EXT1: variants seen among roughly 807,000 people sequenced by gnomAD.
The protein encoded by EXT1 is exostosin-1.
EXT1 carries 20 observed loss-of-function variants against 82.5 expected under a neutral mutation model. The ratio of observed to expected loss-of-function variants is 0.24; its 90% CI spans 0.17 to 0.35. EXT1 has a LOEUF of 0.35. Among genes scored for constraint, EXT1 ranks in the 10% least tolerant of loss-of-function variants. EXT1 has a pLI of 1.00. For missense variants in EXT1, 757 were observed against 936.5 expected (o/e 0.81, Z 2.50); for synonymous variants, 348 against 350.8 (o/e 0.99, Z 0.09).
intron 1 of EXT1, among the ~76,000 whole-genome samples, chr8:117,867,920 G>A (rs1727301524): frequency 6.6e-6 from 1 of 152,116 alleles, no homozygotes; most frequent in Non-Finnish European, 1.5e-5. Context: ...TTCTAATAGA[G>A]AAGCCCTGAG....
At chr8:117,941,783 A>G (rs1814277330) in intron 1 of EXT1, among the ~76,000 whole-genome samples, 2 of 152,246 alleles carry the variant, frequency 1.3e-5, no homozygotes, top group African/African-American at 2.4e-5. Context: ...TTTTATAATG[A>G]AAACATGAGG....
chr8:117,840,545 G>GAGGTGA (rs1488486482), intron 1 of EXT1, among the ~76,000 whole-genome samples: 1 of 151,784 alleles, frequency 6.6e-6, no homozygotes, highest in Non-Finnish European at 1.5e-5. Flanking sequence ...CTGGGAGGTG[G>GAGGTGA]AGGTTGCAGT....
chr8:117,970,596 T>C (rs1371388856), intron 1 of EXT1, among the ~76,000 whole-genome samples: 1 of 152,142 alleles, frequency 6.6e-6, no homozygotes, highest in Non-Finnish European at 1.5e-5. Flanking sequence ...TGAGCCACCA[T>C]GCCCGGCCAG....
intron 1 of EXT1, among the ~76,000 whole-genome samples, chr8:117,989,039 C>CACACAGCT (rs1313812779): frequency 1.4e-5 from 2 of 143,538 alleles, no homozygotes; most frequent in African/African-American, 5.3e-5. Flanking sequence ...CAGCCTGGGC[C>CACACAGCT]ACACAGCTAG....
intron 1 of EXT1, among the ~76,000 whole-genome samples, chr8:117,927,173 C>T (rs1813968236): frequency 6.6e-6 from 1 of 152,132 alleles, no homozygotes; most frequent in African/African-American, 2.4e-5. Context: ...TTTTTCTTGG[C>T]TCTCCCCAGC....
chr8:117,822,861 A>G (rs1481051944), intron 4 of EXT1, among the ~76,000 whole-genome samples: 2 of 152,216 alleles, frequency 1.3e-5, no homozygotes, highest in African/African-American at 2.4e-5. Context: ...TTGTCTTTGT[A>G]TAATAATGAG....
At chr8:117,902,027 T>TA (rs1813459989) in intron 1 of EXT1, among the ~76,000 whole-genome samples, 1 of 151,818 alleles carries the variant, frequency 6.6e-6, no homozygotes, top group African/African-American at 2.4e-5. Context: ...TTTTTTTTTT[T>TA]ACTTGTTCAA....
intron 1 of EXT1, among the ~76,000 whole-genome samples, chr8:118,055,532 C>T (rs1289720365): frequency 3.9e-5 from 6 of 152,130 alleles, no homozygotes; most frequent in South Asian, 2.1e-4. Flanking sequence ...AAATTTTGAA[C>T]GGTTTTTCCA....
At chr8:117,826,075 T>G (rs1206054749) in intron 4 of EXT1, among the ~76,000 whole-genome samples, 1 of 152,206 alleles carries the variant, frequency 6.6e-6, no homozygotes, top group Admixed American at 6.5e-5. Flanking sequence ...TTGTTAGTTC[T>G]CAATTTTCAC....
At chr8:117,945,362 T>TA (rs1586301436) in intron 1 of EXT1, among the ~76,000 whole-genome samples, 1 of 152,102 alleles carries the variant, frequency 6.6e-6, no homozygotes, top group Non-Finnish European at 1.5e-5. Flanking sequence ...TTTTAGCACT[T>TA]AGAGACCCTG....
intron 1 of EXT1, among the ~76,000 whole-genome samples, chr8:117,903,997 G>C (rs1813498655): frequency 6.6e-6 from 1 of 152,202 alleles, no homozygotes; most frequent in African/African-American, 2.4e-5. Context: ...GACAGTAACT[G>C]ACCTGAAGTT....
intron 1 of EXT1, among the ~76,000 whole-genome samples, chr8:117,941,399 G>T (rs10283365): frequency 0.066 from 9,966 of 152,134 alleles, 1,134 homozygotes; most frequent in African/African-American, 0.23. Context: ...ACATATGGAG[G>T]GGGGAATAGG....
At position 117,808,186 on chromosome 8, in the gene EXT1, T is replaced by C. The variant is rs577490062; in HGVS notation, c.1723-809A>G. On this transcript the variant is annotated intron_variant, in intron 8 of 10. Coordinates refer to ENST00000378204, the MANE Select transcript of EXT1 (RefSeq NM_000127.3). ...ACTCACTTCTGATTTCTATGATCAT[T>C]TGATGAATGGTAAATCAAAATAATA... is the stretch of plus-strand genomic sequence containing the variant. 2.4e-4 allele frequency among the ~76,000 whole-genome samples: 37 copies of C among 152,360 alleles called. No individual in the cohort carries two copies. The South Asian group carries it at 7.5e-3, about 31-fold the overall frequency.
chr8:117,813,000 G>C, intron 7 of EXT1, 39 bp from the exon 8 acceptor site: 1 of 1,543,488 alleles, frequency 6.5e-7, no homozygotes, highest in Non-Finnish European at 8.9e-7. Flanking sequence ...GAGGGAATGA[G>C]GGAAAGAGGT....
chr8:117,968,526 CTTATTTATTTAT>C (rs1250006319), intron 1 of EXT1, among the ~76,000 whole-genome samples: 4 of 37,064 alleles, frequency 1.1e-4, no homozygotes, highest in South Asian at 9.5e-4. Context: ...CTTATTCTGC[CTTATTTATTTAT>C]TTATTTATTT....
intron 1 of EXT1, among the ~76,000 whole-genome samples, chr8:118,080,857 C>G (rs1177359464): frequency 6.6e-6 from 1 of 152,080 alleles, no homozygotes; most frequent in Admixed American, 6.6e-5. Context: ...AAATGTGGTT[C>G]CCATTCTGGT....
intron 1 of EXT1, among the ~76,000 whole-genome samples, chr8:117,972,505 T>A (rs1168020164): frequency 6.6e-6 from 1 of 152,170 alleles, no homozygotes; most frequent in East Asian, 1.9e-4. Flanking sequence ...AACTTCATTA[T>A]CCTCTAAGTG....
chr8:117,859,823 G>T (rs1812648839), intron 1 of EXT1, among the ~76,000 whole-genome samples: 1 of 152,122 alleles, frequency 6.6e-6, no homozygotes, highest in African/African-American at 2.4e-5. Flanking sequence ...TATATACCAT[G>T]GGATACTAAC....
rs1823119220 is a variant in EXT1, at chr8:117,798,678, T to A, written c.*1034A>T. 1 of 152,220 alleles carries A rather than the reference T, an allele frequency of 6.6e-6. No homozygotes were observed. Among genetic ancestry groups the A allele is most frequent in the African/African-American group, 2.4e-5 (1 of 41,452 alleles). 9.4% of individuals were successfully genotyped at this position (152,220 alleles called of 1,614,324 possible). On this transcript the variant is annotated 3_prime_UTR_variant, in exon 11 of 11. Coordinates refer to ENST00000378204, the MANE Select transcript of EXT1 (RefSeq NM_000127.3). ...TTGCAGCAATCCTCTTGTTCATTGGTGTGAATTTCTACCTTATTACCCCTT... is the reference window on the plus strand; with the variant it reads ...TTGCAGCAATCCTCTTGTTCATTGGAGTGAATTTCTACCTTATTACCCCTT...
Sources: gnomAD v4.1 joint callset for allele counts (sites outside exome capture counted in the v4.1 genomes callset) on GRCh38, gnomAD v4.1.1 for gene constraint, MANE v1.5 for transcripts, NCBI Gene and HGNC (gene_info 2026-07-23, HGNC 2026-07-21) for gene names.